Variants in ZNF385B observed in about 807,000 individuals in gnomAD.
ZNF385B encodes zinc finger protein 533.
ZNF385B carries 23 observed loss-of-function variants against 39.2 expected under a neutral mutation model. That is an observed-to-expected ratio of 0.59 (90% CI 0.42 to 0.83). The LOEUF is 0.83. Ranked by LOEUF, ZNF385B falls within the 40% of genes least tolerant of loss-of-function variation. ZNF385B has a pLI of 0.00. For synonymous variants in ZNF385B, 205 were observed against 222.6 expected (o/e 0.92, Z 0.70); for missense variants, 552 against 598.9 (o/e 0.92, Z 0.82).
chr2:179,854,764 CCTTTT>C lies in ZNF385B; in HGVS notation c.-155+6332_-155+6336del, dbSNP rs1684448755. 2.0e-5 allele frequency among the ~76,000 whole-genome samples: 3 copies of C among 152,246 alleles called. No individual in the cohort carries two copies. The South Asian group carries it at 6.2e-4, about 32-fold the overall frequency. On this transcript the variant is annotated intron_variant, in intron 1 of 9. Coordinates refer to ENST00000410066, the MANE Select transcript of ZNF385B (RefSeq NM_152520.6). ...TTCGCTCATTATCTCTCACAATGGG[CCTTTT>C]CTTAGTGTAGCTCAAACTACTTTTT...
chr2:179,809,290 G>C (rs1232102143), intron 1 of ZNF385B, among the ~76,000 whole-genome samples: 1 of 152,114 alleles, frequency 6.6e-6, no homozygotes, highest in Non-Finnish European at 1.5e-5. Context: ...CTCATGAAGA[G>C]AACTCGTAAA....
At chr2:179,633,274 C>T (rs767315926) in intron 3 of ZNF385B, among the ~76,000 whole-genome samples, 9 of 152,304 alleles carry the variant, frequency 5.9e-5, no homozygotes, top group Middle Eastern at 3.4e-3. Context: ...AGACCAATCT[C>T]CCTGATGAAT....
chr2:179,822,920 G>T (rs1707486017), intron 1 of ZNF385B, among the ~76,000 whole-genome samples: 1 of 152,144 alleles, frequency 6.6e-6, no homozygotes, highest in Admixed American at 6.6e-5. Flanking sequence ...AGATGTCAAA[G>T]TTCTATTAGT....
At chr2:179,849,957 C>T (rs1320273297) in intron 1 of ZNF385B, among the ~76,000 whole-genome samples, 2 of 152,130 alleles carry the variant, frequency 1.3e-5, no homozygotes, top group Admixed American at 1.3e-4. Context: ...CCAAAGATGA[C>T]CACAGAGCTC....
At chr2:179,597,517 T>C (rs931894553) in intron 3 of ZNF385B, among the ~76,000 whole-genome samples, 1 of 152,208 alleles carries the variant, frequency 6.6e-6, no homozygotes, top group African/African-American at 2.4e-5. Context: ...TCCTTCACAG[T>C]CAGTAGCTTT....
chr2:179,487,704 C>A (rs566989715), intron 5 of ZNF385B, among the ~76,000 whole-genome samples: 1 of 152,304 alleles, frequency 6.6e-6, no homozygotes, highest in South Asian at 2.1e-4. Flanking sequence ...CAGACACATG[C>A]TTGTCTAGCA....
At chr2:179,567,855 T>A (rs947307892) in intron 3 of ZNF385B, among the ~76,000 whole-genome samples, 3 of 152,222 alleles carry the variant, frequency 2.0e-5, no homozygotes, top group African/African-American at 7.2e-5. Flanking sequence ...TGTCACATAC[T>A]AGTCCGAGAC....
chr2:179,452,820 A>G (rs2050291469), intron 6 of ZNF385B, among the ~76,000 whole-genome samples: 1 of 152,150 alleles, frequency 6.6e-6, no homozygotes, highest in Non-Finnish European at 1.5e-5. Context: ...CAGCCCCAGA[A>G]GACACGTTAA....
intron 3 of ZNF385B, among the ~76,000 whole-genome samples, chr2:179,710,186 T>C (rs1376437655): frequency 6.6e-6 from 1 of 152,104 alleles, no homozygotes; most frequent in Non-Finnish European, 1.5e-5. Flanking sequence ...TGAACATGCA[T>C]GTCTCATCAC....
intron 5 of ZNF385B, among the ~76,000 whole-genome samples, chr2:179,496,271 T>C (rs2056193958): frequency 6.6e-6 from 1 of 151,826 alleles, no homozygotes; most frequent in Non-Finnish European, 1.5e-5. Flanking sequence ...AATGGGCTAT[T>C]TGAAAATACA....
intron 3 of ZNF385B, among the ~76,000 whole-genome samples, chr2:179,700,163 G>A (rs1481054531): frequency 1.3e-5 from 2 of 151,672 alleles, no homozygotes; most frequent in Non-Finnish European, 2.9e-5. Context: ...GACTTTCCCT[G>A]AATGGAAGGG....
At chr2:179,569,277 C>G (rs1235781614) in intron 3 of ZNF385B, among the ~76,000 whole-genome samples, 2 of 152,174 alleles carry the variant, frequency 1.3e-5, no homozygotes, top group Non-Finnish European at 2.9e-5. Flanking sequence ...AATAAAATAT[C>G]TTTTGCACCA....
intron 5 of ZNF385B, among the ~76,000 whole-genome samples, chr2:179,493,521 G>GTGTGTACATATATGCGTATACA: frequency 6.6e-6 from 1 of 151,118 alleles, no homozygotes; most frequent in African/African-American, 2.4e-5. Context: ...GTATACATAT[G>GTGTGTACATATATGCGTATACA]TGTGTACATA....
intron 3 of ZNF385B, among the ~76,000 whole-genome samples, chr2:179,686,965 T>TC (rs1491419473): frequency 2.9e-4 from 1 of 3,440 alleles, no homozygotes; most frequent in African/African-American, 2.6e-3. Context: ...ATTTGTACTG[T>TC]TTTTTTTTTT....
chr2:179,553,523 T>C (rs2060711089), intron 3 of ZNF385B, among the ~76,000 whole-genome samples: 1 of 148,866 alleles, frequency 6.7e-6, no homozygotes, highest in Non-Finnish European at 1.5e-5. Flanking sequence ...TAAATTATAA[T>C]GCAACTCTAT....
Position 179,581,549 on chromosome 2 carries a change from A to G in ZNF385B, c.299-36580T>C, listed in dbSNP as rs1310668085. Reference sequence around the variant, plus strand: ...CTTACCTATTCCTTTCACACTAATTATCTTCCAGATGATTTAATGAGAATG... The same window carrying G: ...CTTACCTATTCCTTTCACACTAATTGTCTTCCAGATGATTTAATGAGAATG... On this transcript the variant is annotated intron_variant, in intron 3 of 9. Coordinates refer to ENST00000410066, the MANE Select transcript of ZNF385B (RefSeq NM_152520.6). 2.6e-5 allele frequency among the ~76,000 whole-genome samples: 4 copies of G among 152,332 alleles called. No homozygotes were observed. The East Asian group carries it at 7.7e-4, about 29-fold the overall frequency.
At chr2:179,570,551 A>G (rs1685093926) in intron 3 of ZNF385B, among the ~76,000 whole-genome samples, 1 of 152,154 alleles carries the variant, frequency 6.6e-6, no homozygotes. Flanking sequence ...AAGGGGAAGG[A>G]CACTTATACA....
intron 1 of ZNF385B, among the ~76,000 whole-genome samples, chr2:179,776,532 T>C (rs1364712369): frequency 6.6e-6 from 1 of 152,198 alleles, no homozygotes; most frequent in Non-Finnish European, 1.5e-5. Flanking sequence ...CCCGCACCTT[T>C]TAAAAAAATC....
chr2:179,574,345 G>T (rs1012140749), intron 3 of ZNF385B, among the ~76,000 whole-genome samples: 2 of 152,154 alleles, frequency 1.3e-5, no homozygotes, highest in African/African-American at 2.4e-5. Context: ...ACAATTAAAT[G>T]AACTTTTCTG....
Sources: gnomAD v4.1 joint callset for allele counts (sites outside exome capture counted in the v4.1 genomes callset) on GRCh38, gnomAD v4.1.1 for gene constraint, MANE v1.5 for transcripts, NCBI Gene and HGNC (gene_info 2026-07-23, HGNC 2026-07-21) for gene names.